Variants in RBM33 observed in about 807,000 individuals in gnomAD.
RBM33 encodes RNA-binding protein 33.
A neutral mutation model predicts 132.6 loss-of-function variants in RBM33; 28 were observed. The ratio of observed to expected loss-of-function variants is 0.21; its 90% CI spans 0.16 to 0.29. The LOEUF (loss-of-function observed/expected upper bound fraction) is 0.29. RBM33 is among the 10% of genes least tolerant of loss of function. RBM33 has a pLI of 1.00. For synonymous variants in RBM33, 634 were observed against 593.0 expected, an observed-to-expected ratio of 1.07 and a Z score of -1.01; for missense variants, 1,291 against 1,518.5, an observed-to-expected ratio of 0.85 and a Z score of 2.49.
chr7:155,758,403 C>T (rs1362210241), intron 14 of RBM33, among the ~76,000 whole-genome samples: 1 of 152,132 alleles, frequency 6.6e-6, no homozygotes, highest in Admixed American at 6.5e-5. Context: ...AATTGTTGCA[C>T]CTCAGATCAT....
intron 6 of RBM33, among the ~76,000 whole-genome samples, chr7:155,704,873 T>A (rs932068917): frequency 5.3e-5 from 8 of 152,202 alleles, no homozygotes; most frequent in African/African-American, 1.7e-4. Flanking sequence ...GAATTGCTAA[T>A]GCCAGCAATA....
chr7:155,764,096 G>A, intron 15 of RBM33, 78 bp downstream of exon 15: 1 of 1,143,724 alleles, frequency 8.7e-7, no homozygotes, highest in Non-Finnish European at 1.2e-6. Flanking sequence ...GCTCTAATTT[G>A]TAGCGCATGG....
rs1322120235 is a variant in RBM33, at chr7:155,673,661, C to CAT, written c.171+750_171+751dup. On this transcript the variant is annotated intron_variant, in intron 3 of 17. Coordinates refer to ENST00000401878, the MANE Select transcript of RBM33 (RefSeq NM_053043.3). ...ACATACACACGTGTATATATACACACATATACATACACACGTGTATATATA... is the reference window on the plus strand; with the variant it reads ...ACATACACACGTGTATATATACACACATATATACATACACACGTGTATATATA... Among the ~76,000 whole-genome samples the CAT allele has an allele frequency of 4.3e-4, 47 of 108,190 alleles. 10 individuals carry two copies. Among genetic ancestry groups the CAT allele is most frequent in the African/African-American group, 1.8e-3 (45 of 25,146 alleles). The allele number at this position is 108,190 out of a possible 152,430, so 71.0% of individuals were successfully genotyped here. A position where few individuals can be genotyped will look rare whatever the true frequency, so the allele number is the denominator to read the frequency against.
At chr7:155,661,461 G>A (rs1798649021) in intron 1 of RBM33, among the ~76,000 whole-genome samples, 1 of 149,090 alleles carries the variant, frequency 6.7e-6, no homozygotes. Context: ...AGGCTGGAGT[G>A]CAGTGGTGTG....
chr7:155,691,403 A>G (rs899145143), intron 5 of RBM33, among the ~76,000 whole-genome samples: 2 of 152,246 alleles, frequency 1.3e-5, no homozygotes, highest in Admixed American at 6.5e-5. Flanking sequence ...CTTCTTTGCG[A>G]TGGGTTCGAA....
intron 6 of RBM33, among the ~76,000 whole-genome samples, chr7:155,701,945 G>A (rs1799978687): frequency 6.6e-6 from 1 of 152,100 alleles, no homozygotes; most frequent in Non-Finnish European, 1.5e-5. Context: ...CTCAGCCTCC[G>A]TAAGTGCTGG....
chr7:155,729,356 C>T (rs979510240), intron 9 of RBM33, among the ~76,000 whole-genome samples: 2 of 152,134 alleles, frequency 1.3e-5, no homozygotes, highest in African/African-American at 4.8e-5. Context: ...CACCAGTGAT[C>T]CTCACTCTTC....
chr7:155,680,531 T>C, intron 4 of RBM33, 59 bp from the exon 5 acceptor site: 1 of 1,185,030 alleles, frequency 8.4e-7, no homozygotes, highest in African/African-American at 1.5e-5. Flanking sequence ...TATATAATGA[T>C]TTAGTTTGAG....
Position 155,745,639 on chromosome 7 carries a change from T to A in RBM33, c.2979+37T>A. 1 of 1,499,668 alleles carries A rather than the reference T, an allele frequency of 6.7e-7. No individual in the cohort carries two copies. Among genetic ancestry groups the A allele is most frequent in the Admixed American group, 2.3e-5 (1 of 43,366 alleles). The allele number at this position is 1,499,668 out of a possible 1,614,324, so 92.9% of individuals were successfully genotyped here. Reference sequence around the variant, plus strand: ...AGTTTTATGAGAGCCTCTTTGAGTCTGTGTATCACATAGAATGTCCTCATT... The same window carrying A: ...AGTTTTATGAGAGCCTCTTTGAGTCAGTGTATCACATAGAATGTCCTCATT... On this transcript the variant is annotated intron_variant, in intron 14 of 17. Coordinates refer to ENST00000401878, the MANE Select transcript of RBM33 (RefSeq NM_053043.3). The surrounding 1 kb of genome is among the most constrained non-coding windows in gnomAD (Gnocchi z 4.1).
intron 12 of RBM33, 115 bp from the exon 13 acceptor site, chr7:155,741,701 AAAG>A (rs1801342321): frequency 3.0e-6 from 3 of 986,152 alleles, no homozygotes; most frequent in Non-Finnish European, 4.5e-6. Flanking sequence ...CTGCTCCCCA[AAAG>A]AAGTCATTTA....
At position 155,745,184 on chromosome 7, in the gene RBM33, A is replaced by T. The variant is rs759606996; in HGVS notation, c.2561A>T (p.Asn854Ile). 2 of 1,611,048 alleles carry T rather than the reference A, an allele frequency of 1.2e-6. No homozygotes were observed. The highest frequency in any genetic ancestry group is 1.7e-6 in the Non-Finnish European group (2 of 1,178,584). Residue 854 changes from asparagine to isoleucine, a missense_variant, in exon 14 of 18, where the codon AAC (asparagine) becomes ATC (isoleucine). Coordinates refer to ENST00000401878, the MANE Select transcript of RBM33 (RefSeq NM_053043.3). The surrounding 1 kb of genome is among the most constrained non-coding windows in gnomAD (Gnocchi z 4.1). ...EEQALSPSPT[N>I]GNPLLPFPGA... ...CAGGCACTGTCACCATCACCCACCA[A>T]CGGTAACCCACTGTTGCCCTTTCCA...
At chr7:155,672,277 TA>T (rs942125475) in intron 2 of RBM33, among the ~76,000 whole-genome samples, 1 of 152,162 alleles carries the variant, frequency 6.6e-6, no homozygotes, top group African/African-American at 2.4e-5. Flanking sequence ...TTTTACTGAT[TA>T]TTCAACAGAC....
chr7:155,670,495 G>A (rs1209377376), intron 2 of RBM33, among the ~76,000 whole-genome samples: 2 of 152,218 alleles, frequency 1.3e-5, no homozygotes, highest in Non-Finnish European at 1.5e-5. Context: ...AAGAAGAAAA[G>A]TACATGTAGT....
chr7:155,680,823 A>C lies in RBM33; in HGVS notation c.482A>C (p.Glu161Ala), dbSNP rs1799318484. 1.2e-6 allele frequency: 2 copies of C among 1,613,838 alleles called. No homozygotes were observed. Among genetic ancestry groups the C allele is most frequent in the Non-Finnish European group, 1.7e-6 (2 of 1,179,800 alleles). ...GCTGAGTTGACAGAAGACCAAATAG[A>C]ATATGTGGAAGAGCCAGAGGAGGAG... ...HEAELTEDQIEYVEEPEEEQL... is the reference protein window; with the variant it reads ...HEAELTEDQIAYVEEPEEEQL... Residue 161 changes from glutamate to alanine, a missense_variant, in exon 5 of 18, where the codon GAA becomes GCA. This residue lies in a region of RBM33 where 194 missense variants were observed against 249.8 expected (regional missense o/e 0.78). Transcript: ENST00000401878.
In RBM33 at chr7:155,644,909, A is replaced by C. The variant is rs1261048875; in HGVS notation, c.33A>C (p.Ala11=). The stretch of plus-strand genomic sequence containing the variant: ...CCGCCCTGGGAGCGAGCGGAGGAGC[A>C]GGCGCCGGAGGTACGTGAGGCAGCC... MAAALGASGG[A]GAGDDDFDQF... is the part of the protein sequence containing the mutation. The change falls in exon 1 of 18, where the codon GCA becomes GCC. Residue 11 remains alanine (A), a synonymous_variant. Coordinates refer to ENST00000401878, the MANE Select transcript of RBM33 (RefSeq NM_053043.3). The C allele has an allele frequency of 1.0e-5, 15 of 1,499,020 alleles. No individual in the cohort carries two copies. The allele number at this position is 1,499,020 out of a possible 1,614,324, so 92.9% of individuals were successfully genotyped here. A position where few individuals can be genotyped will look rare whatever the true frequency, so the allele number is the denominator to read the frequency against.
intron 14 of RBM33, among the ~76,000 whole-genome samples, chr7:155,751,405 T>C (rs1471230863): frequency 1.3e-5 from 2 of 152,228 alleles, no homozygotes; most frequent in Admixed American, 6.5e-5. Flanking sequence ...ACTGATACTA[T>C]CATCTTATCC....
In RBM33 at chr7:155,692,443, T is replaced by G. The variant is rs73734197; in HGVS notation, c.568-8330T>G. ...GTGTAGCAGACAGCTACAGATGCAG[T>G]GTCTTCCTCTGGAGTCAAGGACAGG... On this transcript the variant is annotated intron_variant, in intron 5 of 17. Coordinates refer to ENST00000401878, the MANE Select transcript of RBM33 (RefSeq NM_053043.3). Among the ~76,000 whole-genome samples the G allele has an allele frequency of 3.8e-3, 576 of 152,320 alleles. 7 individuals carry two copies. Among genetic ancestry groups the G allele is most frequent in the African/African-American group, 0.013 (552 of 41,570 alleles).
At chr7:155,714,025 T>C (rs1376380772) in intron 8 of RBM33, among the ~76,000 whole-genome samples, 1 of 151,524 alleles carries the variant, frequency 6.6e-6, no homozygotes, top group Non-Finnish European at 1.5e-5. Flanking sequence ...TAGGAGGGCG[T>C]GTTGAAGGTC....
Position 155,778,068 on chromosome 7 carries a change from A to G in RBM33, c.*3027A>G, listed in dbSNP as rs1198671036. 4 of 152,646 alleles carry G rather than the reference A, an allele frequency of 2.6e-5. No individual in the cohort carries two copies. Among genetic ancestry groups the G allele is most frequent in the Non-Finnish European group, 5.9e-5 (4 of 68,036 alleles). The allele number at this position is 152,646 out of a possible 1,614,324, so 9.5% of individuals were successfully genotyped here. On this transcript the variant is annotated 3_prime_UTR_variant, in exon 18 of 18. Transcript: ENST00000401878. The surrounding 1 kb of genome is among the most constrained non-coding windows in gnomAD (Gnocchi z 4.0). ...TAAATCCTTATACTGATATTCTTCT[A>G]AAGAGTAAATCTCATCATTTTTCCA... is the stretch of plus-strand genomic sequence containing the variant.
Sources: allele counts gnomAD v4.1 joint callset (sites outside exome capture counted in the v4.1 genomes callset), GRCh38; gene constraint gnomAD v4.1.1; regional missense constraint gnomAD v4.1.1; non-coding constraint Gnocchi (gnomAD v3.1); transcripts MANE v1.5; gene names NCBI Gene and HGNC (gene_info 2026-07-23, HGNC 2026-07-21).